MRTFB: variants seen among roughly 807,000 people sequenced by gnomAD.
The protein encoded by MRTFB is myocardin-related transcription factor B.
In MRTFB, 29 loss-of-function variants were observed where a neutral mutation model predicts 104.2. The observed-to-expected ratio is 0.28, with a 90% confidence interval of 0.21 to 0.38. The LOEUF (loss-of-function observed/expected upper bound fraction) is 0.38, where lower values mean the gene tolerates loss of function less well. Among genes scored for constraint, MRTFB ranks in the 10% least tolerant of loss-of-function variants. The pLI, the probability that MRTFB is intolerant of heterozygous loss-of-function variation, is 1.00. For synonymous variants in MRTFB, 535 were observed against 519.5 expected, an observed-to-expected ratio of 1.03 and a Z score of -0.41; for missense variants, 1,270 against 1,341.6, an observed-to-expected ratio of 0.95 and a Z score of 0.83.
chr16:14,189,319 C>T (rs530995682), intron 3 of MRTFB, among the ~76,000 whole-genome samples: 1 of 152,186 alleles, frequency 6.6e-6, no homozygotes, highest in African/African-American at 2.4e-5. Context: ...CAGTGTTTAG[C>T]TCATCAGATT....
At chr16:14,054,458 C>T in the MRTFB span, among the ~76,000 whole-genome samples, 1 of 152,078 alleles carries the variant, frequency 6.6e-6, no homozygotes, top group Non-Finnish European at 1.5e-5. Flanking sequence ...CTCAAGTGAT[C>T]CACCGTCCTC....
the MRTFB span, among the ~76,000 whole-genome samples, chr16:14,005,172 A>G: frequency 6.6e-6 from 1 of 152,358 alleles, no homozygotes; most frequent in East Asian, 1.9e-4. Context: ...AAAACGATCC[A>G]TGGAGAATGA....
the MRTFB span, among the ~76,000 whole-genome samples, chr16:14,006,997 A>G: frequency 3.3e-5 from 5 of 152,302 alleles, 1 homozygote; most frequent in South Asian, 4.1e-4. Flanking sequence ...GGCCTGGGCA[A>G]CAGAGTGAGA....
At chr16:14,062,659 C>T in the MRTFB span, among the ~76,000 whole-genome samples, 1 of 152,120 alleles carries the variant, frequency 6.6e-6, no homozygotes, top group South Asian at 2.1e-4. Context: ...CTGGTTTAAG[C>T]AGAATTGGGA....
At chr16:14,230,347 C>T (rs1270743028) in intron 8 of MRTFB, among the ~76,000 whole-genome samples, 1 of 152,074 alleles carries the variant, frequency 6.6e-6, no homozygotes, top group African/African-American at 2.4e-5. Flanking sequence ...GAACAGGCAA[C>T]CTACAAAATG....
chr16:14,247,033 G>A lies in MRTFB; in HGVS notation c.1773G>A (p.Glu591=). 1 of 1,614,210 alleles carries A rather than the reference G, an allele frequency of 6.2e-7. No homozygotes were observed. Among genetic ancestry groups the A allele is most frequent in the Non-Finnish European group, 8.5e-7 (1 of 1,180,050 alleles). ...AGCTGAAGAGGAAACTGGAACAAGA[G>A]CAGAAGCTCGTGGAAGTGCTGAAAA... The part of the protein sequence containing the change: ...IEELKRKLEQ[E]QKLVEVLKMQ... Residue 591 remains glutamate, a synonymous_variant, in exon 12 of 17, where the codon GAG becomes GAA. Transcript: ENST00000571589.
chr16:14,114,763 C>G (rs532033119), intron 2 of MRTFB, among the ~76,000 whole-genome samples: 1 of 152,258 alleles, frequency 6.6e-6, no homozygotes, highest in East Asian at 1.9e-4. Context: ...TGCATTGGGT[C>G]CCCGCTGCTG....
Position 14,260,993 on chromosome 16 carries a change from A to G in MRTFB, c.2849A>G (p.Asn950Ser). 6.2e-7 allele frequency: 1 copy of G among 1,614,194 alleles called. No homozygotes were observed. The highest frequency in any genetic ancestry group is 8.5e-7 in the Non-Finnish European group (1 of 1,180,038). The stretch of plus-strand genomic sequence containing the variant: ...GCCAGCATCACCACAATGCCAGTGA[A>G]TACAGTGGTGTCCCGGCCACCACCC... ...VTASITTMPV[N>S]TVVSRPPPQV... is the part of the protein sequence containing the mutation. Residue 950 changes from asparagine to serine, a missense_variant, in exon 17 of 17, where the codon AAT becomes AGT. Coordinates refer to ENST00000571589, the MANE Select transcript of MRTFB (RefSeq NM_001308142.2).
rs182139769 is a variant in MRTFB, at chr16:14,071,821, C to T, written c.-129+456C>T. 1.5e-3 allele frequency among the ~76,000 whole-genome samples: 229 copies of T among 152,324 alleles called. 1 individual carries two copies. Among genetic ancestry groups the T allele is most frequent in the African/African-American group, 5.3e-3 (219 of 41,586 alleles). The stretch of plus-strand genomic sequence containing the variant: ...TGCGCCCCCTTCCTCTTCCCACCTC[C>T]CACTCCCCTCAGCCCTTTTCTCCTG... On this transcript the variant is annotated intron_variant, in intron 1 of 16. Transcript: ENST00000571589.
chr16:14,246,150 G>A (rs996693836), intron 11 of MRTFB, among the ~76,000 whole-genome samples: 1 of 152,152 alleles, frequency 6.6e-6, no homozygotes, highest in Admixed American at 6.5e-5. Context: ...AAAGAGTAGA[G>A]CATTTCCAAA....
chr16:14,212,506 T>A, intron 5 of MRTFB, 97 bp downstream of exon 5: 1 of 1,065,286 alleles, frequency 9.4e-7, no homozygotes, highest in Admixed American at 2.0e-5. Flanking sequence ...CCTAAATATG[T>A]CAATAGAGAA....
intron 3 of MRTFB, among the ~76,000 whole-genome samples, chr16:14,162,224 T>C (rs189842623): frequency 1.6e-4 from 24 of 152,102 alleles, no homozygotes; most frequent in African/African-American, 5.1e-4. Context: ...GTCCCAGCTG[T>C]TCAGGAGGCT....
chr16:14,251,915 T>G lies in MRTFB; in HGVS notation c.2457T>G (p.Pro819=). ...CAGTTCTTCCATATCAGAGACATCCTGCCCCAGCTGTCCAGCAGCCCTTTA... is the reference window on the plus strand; with the variant it reads ...CAGTTCTTCCATATCAGAGACATCCGGCCCCAGCTGTCCAGCAGCCCTTTA... ...SNTVLPYQRH[P]APAVQQPFIN... is the part of the protein sequence containing the mutation. Residue 819 remains proline (P), a synonymous_variant, in exon 14 of 17, where the codon CCT becomes CCG. Coordinates refer to ENST00000571589, the MANE Select transcript of MRTFB (RefSeq NM_001308142.2). The G allele has an allele frequency of 6.2e-7, 1 of 1,614,248 alleles. No individual in the cohort carries two copies. The highest frequency in any genetic ancestry group is 8.5e-7 in the Non-Finnish European group (1 of 1,180,032).
chr16:14,259,800 G>A (rs937865502), intron 16 of MRTFB, among the ~76,000 whole-genome samples: 34 of 152,138 alleles, frequency 2.2e-4, no homozygotes, highest in Admixed American at 1.9e-3. Flanking sequence ...TTACTTAGAT[G>A]ACACTTAAAG....
the MRTFB span, among the ~76,000 whole-genome samples, chr16:14,060,815 G>A: frequency 6.6e-6 from 1 of 152,066 alleles, no homozygotes; most frequent in Non-Finnish European, 1.5e-5. Flanking sequence ...ATAGGCTAGT[G>A]CATGCTATGA....
At chr16:14,169,703 T>C (rs1160891500) in intron 3 of MRTFB, among the ~76,000 whole-genome samples, 3 of 152,140 alleles carry the variant, frequency 2.0e-5, no homozygotes, top group Admixed American at 6.5e-5. Context: ...AGGCAGTTAC[T>C]ATGAAGAGAC....
chr16:14,253,587 C>T (rs926506075), intron 15 of MRTFB, among the ~76,000 whole-genome samples: 9 of 152,212 alleles, frequency 5.9e-5, no homozygotes, highest in South Asian at 4.1e-4. Context: ...GTCATGCCTA[C>T]GCTTCCTTGA....
chr16:14,200,737 G>T, intron 3 of MRTFB: 11 of 1,501,078 alleles, frequency 7.3e-6, no homozygotes, highest in Non-Finnish European at 1.0e-5. Context: ...GAATCTTTTG[G>T]TTGGGACTTG....
intron 2 of MRTFB, among the ~76,000 whole-genome samples, chr16:14,094,145 C>G (rs191535569): frequency 6.6e-6 from 1 of 152,240 alleles, no homozygotes; most frequent in South Asian, 2.1e-4. Context: ...CAGAGTTTGT[C>G]TCTGGGCTTG....
Sources: gnomAD v4.1 joint callset for allele counts (sites outside exome capture counted in the v4.1 genomes callset) on GRCh38, gnomAD v4.1.1 for gene constraint, MANE v1.5 for transcripts, NCBI Gene and HGNC (gene_info 2026-07-23, HGNC 2026-07-21) for gene names.